The following PHACTR1 variants were observed in gnomAD, a reference collection of about 807,000 sequenced individuals.
PHACTR1 encodes the protein phosphatase and actin regulator 1.
A neutral mutation model predicts 69.2 loss-of-function variants in PHACTR1; 16 were observed. That is an observed-to-expected ratio of 0.23 (90% CI 0.16 to 0.35). PHACTR1 has a LOEUF of 0.35. Among genes scored for constraint, PHACTR1 ranks in the 10% least tolerant of loss-of-function variants. The probability of loss-of-function intolerance (pLI) is 1.00; values close to 1 mark genes in which losing one functional copy is unlikely to be tolerated. For synonymous variants in PHACTR1, 312 were observed against 284.5 expected (o/e 1.10, Z -0.97); for missense variants, 510 against 734.7 (o/e 0.69, Z 3.54).
intron 4 of PHACTR1, among the ~76,000 whole-genome samples, chr6:13,051,586 G>T (rs1422215793): frequency 6.6e-6 from 1 of 152,064 alleles, no homozygotes; most frequent in Non-Finnish European, 1.5e-5. Flanking sequence ...TTCCTGTTGG[G>T]TCTGTTTCTC....
rs1480517596 is a variant in PHACTR1, at chr6:12,835,895, C to A, written c.250+86105C>A. 4.6e-5 allele frequency among the ~76,000 whole-genome samples: 7 copies of A among 152,226 alleles called. 1 individual carries two copies. The highest frequency in any genetic ancestry group is 1.7e-4 in the African/African-American group (7 of 41,550). Reference sequence around the variant, plus strand: ...TTAAAGATAACTGCAAATGAAATTTCACATATACTAATTTCATCCTCAGTT... The same window carrying A: ...TTAAAGATAACTGCAAATGAAATTTAACATATACTAATTTCATCCTCAGTT... On this transcript the variant is annotated intron_variant, in intron 4 of 14. Coordinates refer to ENST00000332995, the MANE Select transcript of PHACTR1 (RefSeq NM_030948.6).
chr6:12,968,180 C>T (rs962074215), intron 4 of PHACTR1, among the ~76,000 whole-genome samples: 2 of 152,152 alleles, frequency 1.3e-5, no homozygotes, highest in Admixed American at 6.5e-5. Flanking sequence ...ATCGCATGCC[C>T]GCTTCCCCCC....
intron 4 of PHACTR1, among the ~76,000 whole-genome samples, chr6:12,941,511 C>T (rs1346523730): frequency 5.9e-5 from 9 of 152,152 alleles, no homozygotes; most frequent in Admixed American, 5.9e-4. Flanking sequence ...CAGCACATTG[C>T]TCTAAGACCT....
intron 8 of PHACTR1, among the ~76,000 whole-genome samples, chr6:13,225,252 C>A (rs1006334500): frequency 6.6e-6 from 1 of 152,200 alleles, no homozygotes; most frequent in African/African-American, 2.4e-5. Flanking sequence ...ATTCACCTAG[C>A]TTCATGGAAA....
chr6:13,263,475 T>G (rs1486943733), intron 10 of PHACTR1, among the ~76,000 whole-genome samples: 2 of 152,152 alleles, frequency 1.3e-5, no homozygotes, highest in African/African-American at 4.8e-5. Flanking sequence ...CATTTAGCCA[T>G]AGTCCATGGT....
At chr6:12,721,779 C>T (rs546165056) in intron 3 of PHACTR1, among the ~76,000 whole-genome samples, 12 of 152,320 alleles carry the variant, frequency 7.9e-5, no homozygotes, top group Non-Finnish European at 1.8e-4. Context: ...GCACAGATTC[C>T]ACAGTCTGTC....
intron 4 of PHACTR1, among the ~76,000 whole-genome samples, chr6:12,874,020 A>C (rs1157261634): frequency 2.0e-5 from 3 of 152,254 alleles, no homozygotes; most frequent in Non-Finnish European, 4.4e-5. Flanking sequence ...AGCACTTTAC[A>C]GAAAATGTTT....
At chr6:12,905,320 C>T (rs1244072177) in intron 4 of PHACTR1, among the ~76,000 whole-genome samples, 1 of 152,150 alleles carries the variant, frequency 6.6e-6, no homozygotes, top group African/African-American at 2.4e-5. Context: ...ATGTATATTC[C>T]TGTCCTTAAA....
chr6:13,137,206 A>G (rs1257195054), intron 5 of PHACTR1, among the ~76,000 whole-genome samples: 1 of 152,230 alleles, frequency 6.6e-6, no homozygotes, highest in Non-Finnish European at 1.5e-5. Context: ...GAGTTAATCA[A>G]TGAACAGTCT....
intron 10 of PHACTR1, among the ~76,000 whole-genome samples, chr6:13,237,929 G>C (rs1772249153): frequency 6.6e-6 from 1 of 152,202 alleles, no homozygotes; most frequent in Non-Finnish European, 1.5e-5. Flanking sequence ...TAATATTTTG[G>C]GACCACAGTC....
intron 5 of PHACTR1, among the ~76,000 whole-genome samples, chr6:13,093,350 G>A (rs1300839889): frequency 6.6e-6 from 1 of 152,158 alleles, no homozygotes; most frequent in Non-Finnish European, 1.5e-5. Context: ...TATTTAGCCA[G>A]AAGAATACCA....
chr6:13,083,712 GA>G (rs1327615753), intron 5 of PHACTR1, among the ~76,000 whole-genome samples: 2 of 152,108 alleles, frequency 1.3e-5, no homozygotes, highest in African/African-American at 4.8e-5. Flanking sequence ...AAGCAATTGT[GA>G]ATGGGAGTTC....
At chr6:12,734,518 T>G (rs1209716101) in intron 3 of PHACTR1, among the ~76,000 whole-genome samples, 1 of 152,208 alleles carries the variant, frequency 6.6e-6, no homozygotes, top group Non-Finnish European at 1.5e-5. Flanking sequence ...CTATTAAGTA[T>G]GTCATTTGGA....
intron 5 of PHACTR1, among the ~76,000 whole-genome samples, chr6:13,056,346 G>A (rs947414933): frequency 1.3e-5 from 2 of 152,272 alleles, no homozygotes; most frequent in Non-Finnish European, 2.9e-5. Flanking sequence ...ACTTCAGTGA[G>A]CTGTGATCGT....
At chr6:12,910,656 G>A (rs907968793) in intron 4 of PHACTR1, among the ~76,000 whole-genome samples, 2 of 152,146 alleles carry the variant, frequency 1.3e-5, no homozygotes, top group Non-Finnish European at 2.9e-5. Flanking sequence ...ATTGACAGAA[G>A]TCCCCTTTTG....
At chr6:13,065,868 T>C (rs1808549074) in intron 5 of PHACTR1, among the ~76,000 whole-genome samples, 1 of 151,556 alleles carries the variant, frequency 6.6e-6, no homozygotes, top group African/African-American at 2.4e-5. Context: ...TAAGAAACTA[T>C]CAAACCAAGT....
intron 4 of PHACTR1, among the ~76,000 whole-genome samples, chr6:12,982,725 T>C (rs1056081663): frequency 1.3e-5 from 2 of 152,196 alleles, no homozygotes; most frequent in South Asian, 4.1e-4. Context: ...AGAATCAGTT[T>C]ACTTTTCCAA....
intron 5 of PHACTR1, among the ~76,000 whole-genome samples, chr6:13,078,945 G>T (rs990803505): frequency 1.3e-5 from 2 of 151,960 alleles, no homozygotes; most frequent in Non-Finnish European, 2.9e-5. Context: ...TTGCTGTTTG[G>T]GGGGGTCTAG....
chr6:12,882,086 C>T (rs190482073), intron 4 of PHACTR1, among the ~76,000 whole-genome samples: 18 of 152,222 alleles, frequency 1.2e-4, no homozygotes, highest in Admixed American at 4.6e-4. Flanking sequence ...GCTGGGGCTT[C>T]GTTCACTGTG....
Sources: gnomAD v4.1 joint callset for allele counts (sites outside exome capture counted in the v4.1 genomes callset) on GRCh38, gnomAD v4.1.1 for gene constraint, MANE v1.5 for transcripts, NCBI Gene and HGNC (gene_info 2026-07-23, HGNC 2026-07-21) for gene names.